Variants in EFNA5 observed in about 807,000 individuals in gnomAD.
EFNA5 encodes ephrin-A5.
A neutral mutation model predicts 22.9 loss-of-function variants in EFNA5; 5 were observed. That is an observed-to-expected ratio of 0.22 (90% CI 0.11 to 0.46). The LOEUF (loss-of-function observed/expected upper bound fraction) is 0.46. Ranked by LOEUF, EFNA5 falls within the 20% of genes least tolerant of loss-of-function variation. The probability of loss-of-function intolerance (pLI) is 0.99; values close to 1 mark genes in which losing one functional copy is unlikely to be tolerated. For synonymous variants in EFNA5, 113 were observed against 112.2 expected, an observed-to-expected ratio of 1.01 and a Z score of -0.04; for missense variants, 237 against 293.3, an observed-to-expected ratio of 0.81 and a Z score of 1.40.
intron 1 of EFNA5, among the ~76,000 whole-genome samples, chr5:107,440,308 C>A (rs1461196328): frequency 6.6e-6 from 1 of 152,190 alleles, no homozygotes; most frequent in Non-Finnish European, 1.5e-5. Context: ...TACTTAAATG[C>A]TTGTCTATCT....
intron 2 of EFNA5, among the ~76,000 whole-genome samples, chr5:107,413,816 T>C (rs755773312): frequency 2.0e-5 from 3 of 152,166 alleles, no homozygotes; most frequent in Admixed American, 1.3e-4. Context: ...ATTTACTTGG[T>C]CAGGCAGAAG....
At chr5:107,539,659 G>A (rs192629248) in intron 1 of EFNA5, among the ~76,000 whole-genome samples, 81 of 151,950 alleles carry the variant, frequency 5.3e-4, no homozygotes, top group Non-Finnish European at 1.0e-3. Context: ...GGGTTTCACC[G>A]TGTTGGCCAG....
At chr5:107,450,923 G>C (rs888251670) in intron 1 of EFNA5, among the ~76,000 whole-genome samples, 1 of 152,204 alleles carries the variant, frequency 6.6e-6, no homozygotes, top group Non-Finnish European at 1.5e-5. Context: ...ATCGTCTTTA[G>C]ACAACTGCAA....
At chr5:107,559,993 A>G (rs1365002627) in intron 1 of EFNA5, among the ~76,000 whole-genome samples, 1 of 152,200 alleles carries the variant, frequency 6.6e-6, no homozygotes, top group Non-Finnish European at 1.5e-5. Flanking sequence ...TGTGGGGATA[A>G]TATATTCATA....
At chr5:107,493,583 C>T (rs924827019) in intron 1 of EFNA5, among the ~76,000 whole-genome samples, 1 of 152,112 alleles carries the variant, frequency 6.6e-6, no homozygotes, top group Non-Finnish European at 1.5e-5. Flanking sequence ...TCTGGAAAAC[C>T]GAAGTCTTAC....
At chr5:107,489,925 T>G (rs1295991018) in intron 1 of EFNA5, among the ~76,000 whole-genome samples, 1 of 152,124 alleles carries the variant, frequency 6.6e-6, no homozygotes, top group African/African-American at 2.4e-5. Flanking sequence ...AGTTCCAATG[T>G]CCCCAGAACA....
chr5:107,605,902 G>A (rs1288301134), intron 1 of EFNA5, among the ~76,000 whole-genome samples: 2 of 152,152 alleles, frequency 1.3e-5, no homozygotes, highest in Admixed American at 1.3e-4. Context: ...TCTTGGCACT[G>A]AATAAAATGG....
chr5:107,506,242 CTATAT>C (rs1283919819), intron 1 of EFNA5: 1 of 152,290 alleles, frequency 6.6e-6, no homozygotes, highest in African/African-American at 2.4e-5. Flanking sequence ...CTTATTGGAA[CTATAT>C]TATAACTATT....
intron 1 of EFNA5, among the ~76,000 whole-genome samples, chr5:107,460,476 T>G (rs943267695): frequency 6.6e-6 from 1 of 152,198 alleles, no homozygotes; most frequent in African/African-American, 2.4e-5. Flanking sequence ...TGAGGCTCAG[T>G]TGCAGTCTGT....
chr5:107,540,917 G>T (rs1334452403), intron 1 of EFNA5, among the ~76,000 whole-genome samples: 8 of 152,270 alleles, frequency 5.3e-5, no homozygotes, highest in African/African-American at 1.9e-4. Context: ...GACCAGCCTG[G>T]CCAACATGGT....
intron 1 of EFNA5, among the ~76,000 whole-genome samples, chr5:107,471,000 T>C (rs1281329683): frequency 6.6e-6 from 1 of 152,202 alleles, no homozygotes; most frequent in Non-Finnish European, 1.5e-5. Context: ...TCAGAACCCA[T>C]TTTAATACCG....
chr5:107,461,859 A>G (rs571130608), intron 1 of EFNA5, among the ~76,000 whole-genome samples: 5 of 152,072 alleles, frequency 3.3e-5, no homozygotes, highest in African/African-American at 4.8e-5. Context: ...GGCTCTAGGG[A>G]TATCTCTGGA....
intron 1 of EFNA5, among the ~76,000 whole-genome samples, chr5:107,438,062 C>T (rs1413792817): frequency 4.6e-5 from 7 of 152,160 alleles, no homozygotes; most frequent in Non-Finnish European, 8.8e-5. Context: ...GATAATTACA[C>T]GTCTTTGCTA....
intron 1 of EFNA5, among the ~76,000 whole-genome samples, chr5:107,497,702 CA>C (rs1747022838): frequency 6.6e-6 from 1 of 152,038 alleles, no homozygotes; most frequent in South Asian, 2.1e-4. Context: ...GGGCACAGTG[CA>C]AAATGAGAAT....
intron 1 of EFNA5, among the ~76,000 whole-genome samples, chr5:107,525,549 G>T (rs1261807604): frequency 6.6e-6 from 1 of 152,052 alleles, no homozygotes; most frequent in African/African-American, 2.4e-5. Context: ...AACACATATT[G>T]TATTTTTTTA....
intron 1 of EFNA5, among the ~76,000 whole-genome samples, chr5:107,468,037 T>C (rs892154979): frequency 4.6e-5 from 7 of 152,214 alleles, no homozygotes; most frequent in East Asian, 3.8e-4. Context: ...TCACACTTCG[T>C]TTAATGCTCA....
intron 1 of EFNA5, among the ~76,000 whole-genome samples, chr5:107,653,711 A>G (rs1750776354): frequency 6.6e-6 from 1 of 152,228 alleles, no homozygotes; most frequent in Non-Finnish European, 1.5e-5. Context: ...AAAACAGGTT[A>G]GATTTTCAAT....
intron 1 of EFNA5, among the ~76,000 whole-genome samples, chr5:107,584,367 T>G (rs1240495507): frequency 6.6e-6 from 1 of 152,186 alleles, no homozygotes; most frequent in East Asian, 1.9e-4. Context: ...GAACCCCATT[T>G]TGATGTCCAC....
intron 1 of EFNA5, among the ~76,000 whole-genome samples, chr5:107,654,494 TA>T (rs1350621069): frequency 6.6e-6 from 1 of 152,178 alleles, no homozygotes; most frequent in African/African-American, 2.4e-5. Flanking sequence ...TAACCAACTA[TA>T]ATACTCATTA....
Sources: gnomAD v4.1 joint callset for allele counts (sites outside exome capture counted in the v4.1 genomes callset) on GRCh38, gnomAD v4.1.1 for gene constraint, MANE v1.5 for transcripts, NCBI Gene and HGNC (gene_info 2026-07-23, HGNC 2026-07-21) for gene names.